The following TSHR variants were observed in gnomAD, a reference collection of about 807,000 sequenced individuals.
The protein encoded by TSHR is thyrotropin receptor.
Under a neutral mutation model 64.1 loss-of-function variants are expected in TSHR, and 51 were observed. The observed-to-expected ratio is 0.80, with a 90% CI of 0.64 to 1.01. TSHR has a LOEUF of 1.01. TSHR is among the 50% of genes least tolerant of loss of function. The pLI is 0.00. For missense variants in TSHR, 877 were observed against 942.8 expected (o/e 0.93, Z 0.91); for synonymous variants, 361 against 361.9 (o/e 1.00, Z 0.03).
intron 1 of TSHR, among the ~76,000 whole-genome samples, chr14:80,998,190 G>T (rs948202450): frequency 6.6e-6 from 1 of 152,158 alleles, no homozygotes; most frequent in African/African-American, 2.4e-5. Context: ...AATATTGGTT[G>T]CTTCTATTCT....
chr14:80,977,526 G>T (rs1477617981), intron 1 of TSHR, among the ~76,000 whole-genome samples: 1 of 152,208 alleles, frequency 6.6e-6, no homozygotes, highest in African/African-American at 2.4e-5. Context: ...CCCAAGAGAT[G>T]TTTTTCTGCA....
intron 1 of TSHR, among the ~76,000 whole-genome samples, chr14:80,986,643 C>G (rs1888467411): frequency 6.6e-6 from 1 of 152,258 alleles, no homozygotes; most frequent in African/African-American, 2.4e-5. Context: ...CCCACCACCA[C>G]TTCCTGCTAA....
At chr14:81,127,104 C>T in intron 8 of TSHR, among the ~76,000 whole-genome samples, 1 of 152,168 alleles carries the variant, frequency 6.6e-6, no homozygotes, top group South Asian at 2.1e-4. Context: ...TATAAATCAA[C>T]CTTGGATTAA....
At chr14:80,982,309 G>A in intron 1 of TSHR, 1 of 1,046,264 alleles carries the variant, frequency 9.6e-7, no homozygotes, top group Non-Finnish European at 1.4e-6. Context: ...GGCTGGTATT[G>A]ATGCCTGGGT....
chr14:80,978,916 T>C (rs2043262506), intron 1 of TSHR, among the ~76,000 whole-genome samples: 1 of 152,220 alleles, frequency 6.6e-6, no homozygotes, highest in Non-Finnish European at 1.5e-5. Flanking sequence ...CTCCCATTCA[T>C]ACATCTAATG....
At chr14:81,024,882 T>G (rs1484034312) in intron 1 of TSHR, among the ~76,000 whole-genome samples, 1 of 151,698 alleles carries the variant, frequency 6.6e-6, no homozygotes, top group Admixed American at 6.5e-5. Context: ...AGGTTTACAG[T>G]ATTGCACTAA....
chr14:81,123,351 G>T (rs1890884682), intron 8 of TSHR, among the ~76,000 whole-genome samples: 1 of 152,060 alleles, frequency 6.6e-6, no homozygotes, highest in Non-Finnish European at 1.5e-5. Context: ...TTCTTGTCTT[G>T]ATCTTTTGTC....
At chr14:81,126,930 C>T (rs892292511) in intron 8 of TSHR, among the ~76,000 whole-genome samples, 5 of 152,144 alleles carry the variant, frequency 3.3e-5, no homozygotes, top group African/African-American at 1.2e-4. Flanking sequence ...GGTGATTTTG[C>T]CCATTTCAAG....
chr14:81,015,027 G>A (rs1214789615), intron 1 of TSHR, among the ~76,000 whole-genome samples: 1 of 152,190 alleles, frequency 6.6e-6, no homozygotes, highest in Non-Finnish European at 1.5e-5. Context: ...ATCTGTTTAT[G>A]TGGTGTGAAT....
rs887029587 is a variant in TSHR at position 81,103,331 on chromosome 14, T to G, written c.615-5044T>G. On this transcript the variant is annotated intron_variant, in intron 7 of 9. Transcript: ENST00000298171. This position sits in a 1 kb window ranked among gnomAD's most constrained non-coding sequence, Gnocchi z 4.1. ...GGATTTCACATGGCATGTTAGCAAT[T>G]TGGTAATTTCTCCAGAAGTTTGTCC... is the stretch of plus-strand genomic sequence containing the variant. 1.5e-5 allele frequency: 15 copies of G among 985,444 alleles called. No homozygotes were observed. Among genetic ancestry groups the G allele is most frequent in the Non-Finnish European group, 1.8e-5 (15 of 829,918 alleles). 61.0% of individuals were successfully genotyped at this position (985,444 alleles called of 1,614,324 possible).
At chr14:81,000,834 A>C (rs1889271169) in intron 1 of TSHR, among the ~76,000 whole-genome samples, 1 of 152,210 alleles carries the variant, frequency 6.6e-6, no homozygotes, top group Non-Finnish European at 1.5e-5. Flanking sequence ...GCTAGTTGCA[A>C]AAGGGAAGTG....
intron 1 of TSHR, among the ~76,000 whole-genome samples, chr14:80,997,203 T>C (rs1418175024): frequency 6.6e-6 from 1 of 152,228 alleles, no homozygotes; most frequent in Non-Finnish European, 1.5e-5. Flanking sequence ...AAGGTGTCTC[T>C]GATTCCAAAG....
intron 8 of TSHR, among the ~76,000 whole-genome samples, chr14:81,135,908 G>T (rs1891437369): frequency 6.6e-6 from 1 of 152,208 alleles, no homozygotes; most frequent in Admixed American, 6.5e-5. Context: ...TGTTCCCCCT[G>T]CTTGACCCTG....
At chr14:81,043,906 C>A (rs771971199) in intron 1 of TSHR, among the ~76,000 whole-genome samples, 3 of 152,120 alleles carry the variant, frequency 2.0e-5, no homozygotes, top group Non-Finnish European at 2.9e-5. Context: ...AAACTGGACC[C>A]CTTCCTTACA....
chr14:81,078,784 C>G (rs1236431463), intron 3 of TSHR: 1 of 152,152 alleles, frequency 6.6e-6, no homozygotes, highest in African/African-American at 2.4e-5. Flanking sequence ...TCTAGCAATT[C>G]CCATCAAAAA....
intron 3 of TSHR, among the ~76,000 whole-genome samples, chr14:81,080,388 G>A (rs79173034): frequency 2.0e-5 from 3 of 152,128 alleles, no homozygotes; most frequent in Non-Finnish European, 4.4e-5. Context: ...TGCATCAGAG[G>A]TTTCAAAATC....
chr14:81,085,123 G>A (rs1415307529), intron 3 of TSHR, among the ~76,000 whole-genome samples: 7 of 151,860 alleles, frequency 4.6e-5, no homozygotes, highest in Non-Finnish European at 7.4e-5. Context: ...CACCACACCC[G>A]GCTAATTTTT....
At chr14:80,955,892 G>A (rs768805145) in intron 1 of TSHR, 42 bp downstream of exon 1, 25 of 1,613,558 alleles carry the variant, frequency 1.5e-5, no homozygotes, top group Non-Finnish European at 2.0e-5. Flanking sequence ...CAGAGATCAA[G>A]GGCATCTGCA....
intron 1 of TSHR, among the ~76,000 whole-genome samples, chr14:81,040,299 T>C (rs1017791178): frequency 2.0e-5 from 3 of 151,988 alleles, no homozygotes; most frequent in African/African-American, 4.8e-5. Flanking sequence ...TCTTTCATCA[T>C]ATACAAAAAA....
Sources: allele counts gnomAD v4.1 joint callset (sites outside exome capture counted in the v4.1 genomes callset), GRCh38; gene constraint gnomAD v4.1.1; non-coding constraint Gnocchi (gnomAD v3.1); transcripts MANE v1.5; gene names NCBI Gene and HGNC (gene_info 2026-07-23, HGNC 2026-07-21).